Variants in SGSH observed in about 807,000 individuals in gnomAD.
The protein encoded by SGSH is heparan sulfate sulfatase.
SGSH carries 48 observed loss-of-function variants against 51.0 expected under a neutral mutation model. The ratio of observed to expected loss-of-function variants is 0.94; its 90% CI spans 0.75 to 1.20. The LOEUF is 1.20. Ranked by LOEUF, SGSH falls within the 50% of genes most tolerant of loss-of-function variation. The pLI, the probability that SGSH is intolerant of heterozygous loss-of-function variation, is 0.00. For missense variants in SGSH, 662 were observed against 717.8 expected, an observed-to-expected ratio of 0.92 and a Z score of 0.89; for synonymous variants, 321 against 313.4, an observed-to-expected ratio of 1.02 and a Z score of -0.26.
downstream of SGSH, chr17:80,203,635 G>C: frequency 1.8e-6 from 1 of 541,498 alleles, no homozygotes; most frequent in Non-Finnish European, 3.3e-6. The surrounding 1 kb of genome is among the most constrained non-coding windows in gnomAD (Gnocchi z 4.6). Flanking sequence ...TCTTTTGAAA[G>C]CTCTGGAGAC....
chr17:80,216,054 C>T (rs892161380), intron 2 of SGSH, among the ~76,000 whole-genome samples: 1 of 152,140 alleles, frequency 6.6e-6, no homozygotes, highest in African/African-American at 2.4e-5. Context: ...GGGGGCCGGG[C>T]TCGGTGGCTC....
rs980620540 is a variant in SGSH, at chr17:80,210,618, G to A, written c.1343C>T (p.Thr448Ile). The A allele has an allele frequency of 6.2e-7, 1 of 1,613,750 alleles. No homozygotes were observed. Among genetic ancestry groups the A allele is most frequent in the Non-Finnish European group, 8.5e-7 (1 of 1,179,974 alleles). Residue 448 changes from threonine (T) to isoleucine (I), a missense_variant, in exon 8 of 8, where the codon ACC (threonine) becomes ATC (isoleucine). Transcript: ENST00000326317. ...LYDRSRDPHE[T>I]QNLATDPRFA... ...GCGCGGGTCGGTGGCCAGGTTCTGGGTCTCGTGGGGGTCCCGGCTCCGGTC... is the reference window on the plus strand; with the variant it reads ...GCGCGGGTCGGTGGCCAGGTTCTGGATCTCGTGGGGGTCCCGGCTCCGGTC...
At chr17:80,202,361 C>T (rs776598351), downstream of SGSH, 29 of 1,613,318 alleles carry the variant, frequency 1.8e-5, no homozygotes, top group East Asian at 1.6e-4. Context: ...ATGCCCACCG[C>T]GTGAACTCTT....
chr17:80,214,125 G>T, intron 5 of SGSH, 47 bp downstream of exon 5: 1 of 1,575,806 alleles, frequency 6.3e-7, no homozygotes, highest in South Asian at 1.2e-5. Flanking sequence ...CAGGGTCCCC[G>T]ACCCAGGGCT....
intron 1 of SGSH, among the ~76,000 whole-genome samples, chr17:80,219,087 G>A (rs993493313): frequency 2.1e-5 from 3 of 142,752 alleles, no homozygotes; most frequent in African/African-American, 7.7e-5. Context: ...TTGAGCCTGG[G>A]AGATTGAGGC....
chr17:80,204,974 A>AG (rs2041203723), downstream of SGSH: 1 of 1,398,848 alleles, frequency 7.1e-7, no homozygotes, highest in South Asian at 1.4e-5. Context: ...CTCCCGGGGC[A>AG]GGGTAGGCTG....
chr17:80,208,340 C>A (rs781476504), downstream of SGSH: 2 of 1,592,954 alleles, frequency 1.3e-6, no homozygotes, highest in Non-Finnish European at 8.6e-7. Context: ...GCAGAGCCCC[C>A]GATGATGCAC....
chr17:80,217,061 G>A lies in SGSH; in HGVS notation c.220C>T (p.Arg74Cys), dbSNP rs104894636. Residue 74 changes from arginine to cysteine, a missense_variant, in exon 2 of 8, where the codon CGC becomes TGC. Transcript: ENST00000326317. ...FTSVSSCSPSRASLLTGLPQH... is the reference protein window; with the variant it reads ...FTSVSSCSPSCASLLTGLPQH... ...GGCAGGCCAGTGAGGAGGCTGGCGC[G>A]GCTGGGAGAGCAGCTGCTGACCGAG... 2.1e-4 allele frequency: 340 copies of A among 1,591,362 alleles called. No individual in the cohort carries two copies. Among genetic ancestry groups the A allele is most frequent in the Non-Finnish European group, 2.7e-4 (313 of 1,171,378 alleles).
chr17:80,211,672 C>T (rs1230148717), intron 7 of SGSH: 13 of 345,384 alleles, frequency 3.8e-5, no homozygotes, highest in Non-Finnish European at 5.0e-5. Context: ...CCCACAGTAT[C>T]GGCATCACCT....
At chr17:80,214,795 C>T (rs1160353195) in intron 3 of SGSH, 30 bp from the exon 4 acceptor site, 26 of 1,605,754 alleles carry the variant, frequency 1.6e-5, no homozygotes, top group Non-Finnish European at 2.0e-5. Context: ...TGGCCAGAGT[C>T]CCTTCAGCCT....
chr17:80,207,541 T>C (rs922403390), downstream of SGSH: 5 of 157,948 alleles, frequency 3.2e-5, no homozygotes, highest in Non-Finnish European at 7.0e-5. Context: ...AGAGCGAGAC[T>C]CTGTCTCAAC....
chr17:80,203,877 AC>A, downstream of SGSH: 1 of 1,595,342 alleles, frequency 6.3e-7, no homozygotes. The surrounding 1 kb of genome is among the most constrained non-coding windows in gnomAD (Gnocchi z 4.6). Flanking sequence ...GTGCACCGTG[AC>A]CCGCAAGGTG....
downstream of SGSH, chr17:80,208,115 C>A (rs577995991): frequency 1.3e-6 from 2 of 1,493,522 alleles, no homozygotes; most frequent in African/African-American, 1.4e-5. Context: ...TGAGCCCGCC[C>A]CCCCCAACTC....
At chr17:80,201,842 C>G (rs756702830), downstream of SGSH, 9 of 1,613,778 alleles carry the variant, frequency 5.6e-6, no homozygotes, top group Non-Finnish European at 7.6e-6. This position sits in a 1 kb window ranked among gnomAD's most constrained non-coding sequence, Gnocchi z 5.0. Flanking sequence ...ACGGCTTCTG[C>G]TGCCTGTCTG....
At position 80,212,228 on chromosome 17, in the gene SGSH, G is replaced by A. The variant is rs147962306; in HGVS notation, c.792C>T (p.Asn264=). The A allele has an allele frequency of 1.9e-5, 30 of 1,613,074 alleles. No individual in the cohort carries two copies. Among genetic ancestry groups the A allele is most frequent in the African/African-American group, 8.0e-5 (6 of 75,024 alleles). The change falls in exon 7 of 8, where the codon AAC becomes AAT. Residue 264 remains asparagine (N), a synonymous_variant. Coordinates refer to ENST00000326317, the MANE Select transcript of SGSH (RefSeq NM_000199.5). This position sits in a 1 kb window ranked among gnomAD's most constrained non-coding sequence, Gnocchi z 5.9. ...CGGACGTGAAGATCACCAGTGTGTC[G>A]TTCAGGACACCGGCGTCACGCAGCT... ...LQELRDAGVL[N]DTLVIFTSDN...
downstream of SGSH, chr17:80,202,516 A>G: frequency 6.6e-7 from 1 of 1,525,504 alleles, no homozygotes; most frequent in Non-Finnish European, 8.8e-7. Flanking sequence ...CCAGCAATAG[A>G]GGGTGGGCGT....
intron 3 of SGSH, 21 bp downstream of exon 3, chr17:80,215,012 T>C (rs2041834509): frequency 9.4e-6 from 15 of 1,593,292 alleles, no homozygotes; most frequent in Non-Finnish European, 1.3e-5. Context: ...CCACGCCCTG[T>C]CCTCGGCACG....
chr17:80,206,520 C>T (rs1422981544), downstream of SGSH, among the ~76,000 whole-genome samples: 3 of 152,230 alleles, frequency 2.0e-5, no homozygotes, highest in Non-Finnish European at 1.5e-5. Flanking sequence ...AATCCCAGCA[C>T]TTTGGGAGGC....
downstream of SGSH, chr17:80,208,048 T>G: frequency 1.0e-6 from 1 of 957,848 alleles, no homozygotes; most frequent in East Asian, 2.7e-5. Flanking sequence ...TGTTTAGGGG[T>G]GTTTGGGTGC....
Sources: gnomAD v4.1 joint callset for allele counts (sites outside exome capture counted in the v4.1 genomes callset) on GRCh38, gnomAD v4.1.1 for gene constraint, Gnocchi (gnomAD v3.1) non-coding constraint, MANE v1.5 for transcripts, NCBI Gene and HGNC (gene_info 2026-07-23, HGNC 2026-07-21) for gene names.